Variants in CADM1 observed in about 807,000 individuals in gnomAD.
CADM1 encodes TSLC-1.
CADM1 carries 15 observed loss-of-function variants against 53.1 expected under a neutral mutation model. That is an observed-to-expected ratio of 0.28 (90% CI 0.19 to 0.44). The LOEUF (loss-of-function observed/expected upper bound fraction) is 0.44. Ranked by LOEUF, CADM1 falls within the 20% of genes least tolerant of loss-of-function variation. The pLI, the probability that CADM1 is intolerant of heterozygous loss-of-function variation, is 1.00. For synonymous variants in CADM1, 281 were observed against 243.0 expected (o/e 1.16, Z -1.45); for missense variants, 434 against 611.3 (o/e 0.71, Z 3.06).
intron 1 of CADM1, among the ~76,000 whole-genome samples, chr11:115,326,495 T>G (rs1944962843): frequency 6.6e-6 from 1 of 152,190 alleles, no homozygotes; most frequent in African/African-American, 2.4e-5. Context: ...AATTAAATTA[T>G]ACAAATATTT....
At chr11:115,381,040 C>G (rs982102577) in intron 1 of CADM1, among the ~76,000 whole-genome samples, 1 of 152,090 alleles carries the variant, frequency 6.6e-6, no homozygotes, top group African/African-American at 2.4e-5. Context: ...GTGGCTCATG[C>G]CTGAATCCCA....
At chr11:115,447,171 C>T (rs1392509616) in intron 1 of CADM1, among the ~76,000 whole-genome samples, 2 of 152,120 alleles carry the variant, frequency 1.3e-5, no homozygotes, top group South Asian at 2.1e-4. Flanking sequence ...TAGACAAGAA[C>T]ATATGGCACA....
chr11:115,442,548 A>G (rs1049279952), intron 1 of CADM1, among the ~76,000 whole-genome samples: 2 of 152,224 alleles, frequency 1.3e-5, no homozygotes, highest in South Asian at 4.1e-4. Flanking sequence ...CCTTAAAAGT[A>G]GATACCTACC....
At chr11:115,332,202 C>T (rs958570135) in intron 1 of CADM1, among the ~76,000 whole-genome samples, 5 of 152,068 alleles carry the variant, frequency 3.3e-5, no homozygotes, top group African/African-American at 1.2e-4. Flanking sequence ...CCCTATCTTC[C>T]CATACTGGAA....
At chr11:115,301,960 T>C (rs1307035234) in intron 1 of CADM1, among the ~76,000 whole-genome samples, 1 of 152,122 alleles carries the variant, frequency 6.6e-6, no homozygotes, top group Non-Finnish European at 1.5e-5. Flanking sequence ...AATAAAATGT[T>C]ACTGTATAAT....
At chr11:115,444,751 T>C (rs17118342) in intron 1 of CADM1, among the ~76,000 whole-genome samples, 6,239 of 152,310 alleles carry the variant, frequency 0.041, 288 homozygotes, top group East Asian at 0.096. Flanking sequence ...TCGCTAATTT[T>C]TCACATTACT....
chr11:115,393,066 CAAAAAAAAAAAAAAAA>C (rs758785520), intron 1 of CADM1, among the ~76,000 whole-genome samples: 1 of 50,218 alleles, frequency 2.0e-5, no homozygotes. Flanking sequence ...CCATCTCTTC[CAAAAAAAAAAAAAAAA>C]AAAAAAAAGG....
At chr11:115,480,469 G>A (rs1365681384) in intron 1 of CADM1, among the ~76,000 whole-genome samples, 1 of 152,178 alleles carries the variant, frequency 6.6e-6, no homozygotes, top group African/African-American at 2.4e-5. Context: ...CAAGATGAGG[G>A]AGTTCTGTGT....
At chr11:115,269,608 A>G (rs1379123656) in intron 1 of CADM1, among the ~76,000 whole-genome samples, 1 of 152,174 alleles carries the variant, frequency 6.6e-6, no homozygotes, top group East Asian at 1.9e-4. Flanking sequence ...TTCAACATTT[A>G]AAGGCACCAA....
intron 10 of CADM1, among the ~76,000 whole-genome samples, chr11:115,186,689 A>T (rs1024393750): frequency 6.6e-6 from 1 of 152,072 alleles, no homozygotes; most frequent in Admixed American, 6.5e-5. Context: ...TTTCATGAAA[A>T]TCTTCTATTA....
chr11:115,269,020 G>A (rs1943223124), intron 1 of CADM1, among the ~76,000 whole-genome samples: 1 of 152,058 alleles, frequency 6.6e-6, no homozygotes, highest in African/African-American at 2.4e-5. Context: ...GGACCAGTGG[G>A]CTTTTTGGAT....
intron 1 of CADM1, among the ~76,000 whole-genome samples, chr11:115,347,130 C>T (rs1407983246): frequency 6.6e-6 from 1 of 152,144 alleles, no homozygotes; most frequent in Non-Finnish European, 1.5e-5. Flanking sequence ...GGATAGACTG[C>T]TATAAAGAAT....
rs34991622 is a variant in CADM1 at position 115,444,269 on chromosome 11, TA to T, written c.124+60001del. Among the ~76,000 whole-genome samples the T allele has an allele frequency of 5.6e-3, 856 of 152,264 alleles. 11 individuals carry two copies. Among genetic ancestry groups the T allele is most frequent in the African/African-American group, 0.019 (783 of 41,546 alleles). On this transcript the variant is annotated intron_variant, in intron 1 of 11. Coordinates refer to ENST00000331581, the MANE Select transcript of CADM1 (RefSeq NM_001301043.2). ...CAAACTTAAGAGAAAAATATCTCTA[TA>T]AAAACGTACATGTAATAAGGCTACA...
At chr11:115,185,156 A>T (rs1193078075) in intron 10 of CADM1, among the ~76,000 whole-genome samples, 1 of 152,156 alleles carries the variant, frequency 6.6e-6, no homozygotes, top group Non-Finnish European at 1.5e-5. Context: ...CAGGGCTTGG[A>T]GTATCATAGG....
intron 1 of CADM1, among the ~76,000 whole-genome samples, chr11:115,361,544 A>G (rs1437929058): frequency 6.6e-6 from 1 of 152,166 alleles, no homozygotes; most frequent in Non-Finnish European, 1.5e-5. Context: ...ATGACTGCTT[A>G]TGATTCTTCA....
chr11:115,359,091 A>G (rs1476841296), intron 1 of CADM1, among the ~76,000 whole-genome samples: 1 of 152,180 alleles, frequency 6.6e-6, no homozygotes, highest in South Asian at 2.1e-4. Flanking sequence ...ATATACTACA[A>G]AATGAAGGCA....
At chr11:115,361,766 C>T (rs1021195338) in intron 1 of CADM1, among the ~76,000 whole-genome samples, 1 of 151,830 alleles carries the variant, frequency 6.6e-6, no homozygotes, top group Non-Finnish European at 1.5e-5. Flanking sequence ...TTACTCTGTA[C>T]CCTAGGCTGG....
chr11:115,469,812 C>G (rs999031432), intron 1 of CADM1, among the ~76,000 whole-genome samples: 2 of 151,864 alleles, frequency 1.3e-5, no homozygotes, highest in African/African-American at 4.8e-5. Context: ...GCTGGGATTA[C>G]AGGCACCCGC....
At chr11:115,177,176 A>G (rs1939074692) in intron 11 of CADM1, among the ~76,000 whole-genome samples, 1 of 152,186 alleles carries the variant, frequency 6.6e-6, no homozygotes, top group Non-Finnish European at 1.5e-5. Flanking sequence ...CAGATTGAGA[A>G]AGAATTTGAC....
Sources: gnomAD v4.1 joint callset for allele counts (sites outside exome capture counted in the v4.1 genomes callset) on GRCh38, gnomAD v4.1.1 for gene constraint, MANE v1.5 for transcripts, NCBI Gene and HGNC (gene_info 2026-07-23, HGNC 2026-07-21) for gene names.